PDE11A: variants seen among roughly 807,000 people sequenced by gnomAD.
The protein encoded by PDE11A is phosphodiesterase 11A.
In PDE11A, 100 loss-of-function variants were observed where a neutral mutation model predicts 100.5. The observed-to-expected ratio is 1.00, with a 90% CI of 0.85 to 1.18. The LOEUF is 1.18. PDE11A is among the 50% of genes most tolerant of loss of function. The pLI, the probability that PDE11A is intolerant of heterozygous loss-of-function variation, is 0.00. For synonymous variants in PDE11A, 381 were observed against 420.8 expected (o/e 0.91, Z 1.16); for missense variants, 1,141 against 1,152.6 (o/e 0.99, Z 0.15).
At chr2:177,785,718 C>T (rs1255782624) in intron 9 of PDE11A, among the ~76,000 whole-genome samples, 10 of 152,286 alleles carry the variant, frequency 6.6e-5, no homozygotes, top group Admixed American at 3.9e-4. Flanking sequence ...TAAAAAACGG[C>T]GCACCAGGAG....
chr2:178,005,837 G>A (rs1038525333), intron 2 of PDE11A, among the ~76,000 whole-genome samples: 8 of 152,158 alleles, frequency 5.3e-5, no homozygotes, highest in Non-Finnish European at 1.0e-4. Flanking sequence ...TCATGTTCCT[G>A]ATAACTGCAA....
intron 2 of PDE11A, among the ~76,000 whole-genome samples, chr2:177,949,003 T>C (rs1350972773): frequency 6.6e-6 from 1 of 152,252 alleles, no homozygotes; most frequent in Non-Finnish European, 1.5e-5. Context: ...CTGGGGTTTG[T>C]TTGTATTTAA....
At chr2:177,674,674 G>T (rs1329514711) in intron 17 of PDE11A, among the ~76,000 whole-genome samples, 2 of 152,128 alleles carry the variant, frequency 1.3e-5, no homozygotes, top group African/African-American at 2.4e-5. Flanking sequence ...ATATCTTTGG[G>T]TGGCCATTAT....
intron 10 of PDE11A, among the ~76,000 whole-genome samples, chr2:177,735,857 C>T (rs981190077): frequency 1.3e-5 from 2 of 152,192 alleles, no homozygotes; most frequent in Non-Finnish European, 2.9e-5. Context: ...TCCCTTGACC[C>T]CTGGTAGTGA....
chr2:177,921,961 G>C (rs1388656163), intron 2 of PDE11A: 3 of 152,136 alleles, frequency 2.0e-5, no homozygotes, highest in Non-Finnish European at 2.9e-5. Flanking sequence ...ACAGGAAGCT[G>C]GAAGGGAAAA....
At chr2:177,690,911 C>T (rs538567836) in intron 15 of PDE11A, among the ~76,000 whole-genome samples, 37 of 152,146 alleles carry the variant, frequency 2.4e-4, no homozygotes, top group Admixed American at 1.3e-3. Context: ...CTCTATAAGC[C>T]CAGTTTTCCC....
At position 177,786,797 on chromosome 2, in the gene PDE11A, G is replaced by A. The variant is rs1197477488; in HGVS notation, c.1738-17424C>T. ...GGAAGAAAGGGTATCAGTGATGGAA[G>A]ATGAAATGAATAAAATGAAGCGAGA... On this transcript the variant is annotated intron_variant, in intron 9 of 19. Coordinates refer to ENST00000286063, the MANE Select transcript of PDE11A (RefSeq NM_016953.4). 6.6e-5 allele frequency among the ~76,000 whole-genome samples: 10 copies of A among 152,282 alleles called. No homozygotes were observed. The South Asian group carries it at 1.5e-3, about 22-fold the overall frequency.
intron 1 of PDE11A, among the ~76,000 whole-genome samples, chr2:178,059,257 G>A (rs191592527): frequency 7.5e-4 from 114 of 152,262 alleles, no homozygotes; most frequent in African/African-American, 2.6e-3. Context: ...GTGTCTAGCA[G>A]GGTCCAGGGT....
Position 177,697,441 on chromosome 2 carries a change from A to G in PDE11A, c.2245-9T>C. On this transcript the variant is annotated splice_polypyrimidine_tract_variant and intron_variant, in intron 14 of 19. Coordinates refer to ENST00000286063, the MANE Select transcript of PDE11A (RefSeq NM_016953.4). ...GCAAAGATATTGTGACCCTGTAATG[A>G]GAAAGTAAAAAGTCACAAAAGACAT... 1.5e-6 allele frequency: 2 copies of G among 1,337,370 alleles called. No individual in the cohort carries two copies. Among genetic ancestry groups the G allele is most frequent in the South Asian group, 1.2e-5 (1 of 85,654 alleles). The allele number at this position is 1,337,370 out of a possible 1,614,324, so 82.8% of individuals were successfully genotyped here. A position where few individuals can be genotyped will look rare whatever the true frequency, so the allele number is the denominator to read the frequency against.
chr2:177,853,787 TAG>T (rs2083775599), intron 5 of PDE11A, among the ~76,000 whole-genome samples: 1 of 140,786 alleles, frequency 7.1e-6, no homozygotes. Context: ...TATATGTGTA[TAG>T]ATATATATGT....
intron 14 of PDE11A, among the ~76,000 whole-genome samples, chr2:177,700,037 C>A (rs1247949081): frequency 6.6e-6 from 1 of 152,192 alleles, no homozygotes; most frequent in African/African-American, 2.4e-5. Context: ...TAGTTCTCAG[C>A]TAAGACACTG....
intron 9 of PDE11A, among the ~76,000 whole-genome samples, chr2:177,786,799 T>C (rs1480952141): frequency 1.3e-5 from 2 of 151,870 alleles, no homozygotes; most frequent in South Asian, 4.2e-4. Context: ...TGATGGAAGA[T>C]GAAATGAATA....
At chr2:177,865,472 CAG>C (rs1408778314) in intron 5 of PDE11A, among the ~76,000 whole-genome samples, 2 of 152,158 alleles carry the variant, frequency 1.3e-5, no homozygotes, top group African/African-American at 4.8e-5. Flanking sequence ...AAGTTAGACA[CAG>C]AGTTACCACA....
At chr2:178,096,345 T>C (rs1385660750) in intron 2 of PDE11A, among the ~76,000 whole-genome samples, 1 of 149,674 alleles carries the variant, frequency 6.7e-6, no homozygotes, top group East Asian at 2.0e-4. Context: ...TTTTTTTTTT[T>C]TGTATTTTTA....
At chr2:177,767,358 T>C (rs956738103) in intron 10 of PDE11A, among the ~76,000 whole-genome samples, 13 of 151,948 alleles carry the variant, frequency 8.6e-5, no homozygotes, top group African/African-American at 3.1e-4. Context: ...CAACTATGGA[T>C]TTTGGCCTGC....
chr2:177,937,060 T>A (rs2085283770), intron 2 of PDE11A, among the ~76,000 whole-genome samples: 2 of 152,162 alleles, frequency 1.3e-5, no homozygotes, highest in South Asian at 4.1e-4. Context: ...CCCTAAAATA[T>A]TTGTGAGGCA....
intron 2 of PDE11A, among the ~76,000 whole-genome samples, chr2:178,088,200 A>G (rs563215055): frequency 1.3e-5 from 2 of 152,376 alleles, no homozygotes; most frequent in South Asian, 2.1e-4. Context: ...TTCAAACTCA[A>G]GTTGATCATA....
rs11898798 is a variant in PDE11A, at chr2:177,670,201, T to C, written c.2488-634A>G. Among the ~76,000 whole-genome samples, 957 of 152,288 alleles carry C rather than the reference T, an allele frequency of 6.3e-3. 15 individuals carry two copies. Among genetic ancestry groups the C allele is most frequent in the African/African-American group, 0.022 (910 of 41,570 alleles). On this transcript the variant is annotated intron_variant, in intron 17 of 19. Coordinates refer to ENST00000286063, the MANE Select transcript of PDE11A (RefSeq NM_016953.4). ...ACGGTATAGTTTGAAGAGCATGACTTGGTCTTCAGGCTGTCTGGATCTACG... is the reference window on the plus strand; with the variant it reads ...ACGGTATAGTTTGAAGAGCATGACTCGGTCTTCAGGCTGTCTGGATCTACG...
At position 177,701,229 on chromosome 2, in the gene PDE11A, G is replaced by A. The variant is rs1395652607; in HGVS notation, c.2154-18C>T. The A allele has an allele frequency of 7.9e-7, 1 of 1,263,276 alleles. No individual in the cohort carries two copies. The highest frequency in any genetic ancestry group is 1.2e-6 in the Non-Finnish European group (1 of 859,756). The allele number at this position is 1,263,276 out of a possible 1,614,324, so 78.3% of individuals were successfully genotyped here. ...AGCCACTCCTGAAAGAGGACAGAGG[G>A]TGAGTGAGCAGGGCCTATCGATGGT... On this transcript the variant is annotated intron_variant, in intron 13 of 19. Coordinates refer to ENST00000286063, the MANE Select transcript of PDE11A (RefSeq NM_016953.4).
Sources: gnomAD v4.1 joint callset for allele counts (sites outside exome capture counted in the v4.1 genomes callset) on GRCh38, gnomAD v4.1.1 for gene constraint, MANE v1.5 for transcripts, NCBI Gene and HGNC (gene_info 2026-07-23, HGNC 2026-07-21) for gene names.